Variants in ATP9A observed in about 807,000 individuals in gnomAD.
ATP9A encodes ATPase phospholipid transporting 9A, also known as probable phospholipid-transporting ATPase IIA.
Under a neutral mutation model 144.1 loss-of-function variants are expected in ATP9A, and 52 were observed. The observed-to-expected ratio is 0.36, with a 90% CI of 0.29 to 0.45. The LOEUF is 0.45. ATP9A is among the 20% of genes least tolerant of loss of function. The pLI, the probability that ATP9A is intolerant of heterozygous loss-of-function variation, is 1.00. For missense variants in ATP9A, 947 were observed against 1,392.7 expected (o/e 0.68, Z 5.09); for synonymous variants, 582 against 557.4 (o/e 1.04, Z -0.62).
chr20:51,639,313 C>T (rs183752642), intron 15 of ATP9A, 30 bp downstream of exon 15: 15 of 1,583,342 alleles, frequency 9.5e-6, no homozygotes, highest in African/African-American at 4.1e-5. Context: ...GGTACTTAAG[C>T]ACTTTAAGCC....
intron 2 of ATP9A, among the ~76,000 whole-genome samples, chr20:51,729,465 G>T (rs1225652614): frequency 6.6e-6 from 1 of 152,108 alleles, no homozygotes; most frequent in African/African-American, 2.4e-5. Flanking sequence ...GACTGTACCG[G>T]CGGGCAAGGT....
At chr20:51,694,129 C>T (rs4811225) in intron 6 of ATP9A, 27 bp from the exon 7 acceptor site, 191,146 of 1,595,264 alleles carry the variant, frequency 0.12, 12,856 homozygotes, top group Admixed American at 0.22. Context: ...GGTGCCGTCA[C>T]CTGCACCTCA....
chr20:51,614,979 A>G (rs6063678), intron 22 of ATP9A, among the ~76,000 whole-genome samples: 28,761 of 150,902 alleles, frequency 0.19, 3,663 homozygotes, highest in Non-Finnish European at 0.27. Flanking sequence ...AGATGGGGGA[A>G]TTTGAGCATG....
chr20:51,612,262 T>A (rs561809227), intron 23 of ATP9A, among the ~76,000 whole-genome samples: 1 of 152,308 alleles, frequency 6.6e-6, no homozygotes, highest in Non-Finnish European at 1.5e-5. Context: ...AGTTCCAGGA[T>A]CTACTGTACC....
At chr20:51,701,715 G>C (rs1008091881) in intron 4 of ATP9A, among the ~76,000 whole-genome samples, 5 of 152,128 alleles carry the variant, frequency 3.3e-5, no homozygotes, top group African/African-American at 4.8e-5. Context: ...TTTTAGCCAC[G>C]GTCATTCATT....
At chr20:51,696,237 G>C (rs369870306) in intron 5 of ATP9A, 93 bp from the exon 6 acceptor site, 5 of 1,118,974 alleles carry the variant, frequency 4.5e-6, no homozygotes, top group Non-Finnish European at 6.7e-6. Flanking sequence ...CCAACCCCTC[G>C]GTGGGTTGGG....
chr20:51,709,847 A>G (rs905680166), intron 4 of ATP9A, among the ~76,000 whole-genome samples: 1 of 152,194 alleles, frequency 6.6e-6, no homozygotes, highest in African/African-American at 2.4e-5. Context: ...GCAAAAACAA[A>G]TTTTAAAATT....
chr20:51,638,074 TA>T (rs1568797013), intron 15 of ATP9A, among the ~76,000 whole-genome samples: 456 of 10,160 alleles, frequency 0.045, 19 homozygotes, highest in Middle Eastern at 0.14. Context: ...CATCATTTTA[TA>T]TATATATATA....
At chr20:51,729,325 GC>G (rs915715732) in intron 2 of ATP9A, among the ~76,000 whole-genome samples, 4 of 151,480 alleles carry the variant, frequency 2.6e-5, no homozygotes, top group Non-Finnish European at 4.4e-5. Flanking sequence ...GAAGGCAGGT[GC>G]CCCCTCCACC....
intron 5 of ATP9A, among the ~76,000 whole-genome samples, chr20:51,696,788 T>C (rs757663410): frequency 1.2e-4 from 19 of 152,178 alleles, no homozygotes; most frequent in Non-Finnish European, 2.1e-4. Flanking sequence ...GCTCAATTTC[T>C]ACAGAAACAA....
At chr20:51,738,250 G>T (rs1340685841) in intron 1 of ATP9A, among the ~76,000 whole-genome samples, 6 of 151,960 alleles carry the variant, frequency 3.9e-5, no homozygotes, top group Non-Finnish European at 4.4e-5. Context: ...GGCTGGTCTC[G>T]AATTCCTGAC....
Position 51,650,988 on chromosome 20 carries a change from A to AT in ATP9A, c.1506+5949dup, listed in dbSNP as rs1209151491. 3.0e-3 allele frequency among the ~76,000 whole-genome samples: 452 copies of AT among 148,564 alleles called. 2 individuals are homozygous for AT. Among genetic ancestry groups the AT allele is most frequent in the African/African-American group, 0.01 (426 of 40,602 alleles). Reference sequence around the variant, plus strand: ...AGTCATATGACTTTCTTTTTTTTAAATTTTTTTTTTGAGACAGTCTCGCTC... The same window carrying AT: ...AGTCATATGACTTTCTTTTTTTTAAATTTTTTTTTTTGAGACAGTCTCGCTC... On this transcript the variant is annotated intron_variant, in intron 14 of 27. Coordinates refer to ENST00000338821, the MANE Select transcript of ATP9A (RefSeq NM_006045.3).
At chr20:51,750,275 T>C (rs1236447968) in intron 1 of ATP9A, among the ~76,000 whole-genome samples, 1 of 152,126 alleles carries the variant, frequency 6.6e-6, no homozygotes, top group Non-Finnish European at 1.5e-5. Flanking sequence ...CAGACACCAT[T>C]CACCTCCCCC....
At chr20:51,602,067 C>G (rs147682567) in intron 27 of ATP9A, among the ~76,000 whole-genome samples, 7 of 152,054 alleles carry the variant, frequency 4.6e-5, no homozygotes, top group African/African-American at 1.5e-4. Context: ...CAGTGATGGT[C>G]GCAGAAAGCC....
chr20:51,619,580 G>A (rs1001351855), intron 19 of ATP9A, among the ~76,000 whole-genome samples: 1 of 145,464 alleles, frequency 6.9e-6, no homozygotes, highest in African/African-American at 2.5e-5. Flanking sequence ...AAAAAAAGGG[G>A]GGGGGGGGCC....
intron 1 of ATP9A, among the ~76,000 whole-genome samples, chr20:51,751,541 A>G (rs922896381): frequency 2.0e-5 from 3 of 151,784 alleles, no homozygotes; most frequent in Non-Finnish European, 2.9e-5. Context: ...GGATACAGGC[A>G]TGAGCCACCA....
chr20:51,647,207 TAAG>T (rs1445945724), intron 14 of ATP9A, among the ~76,000 whole-genome samples: 1 of 152,096 alleles, frequency 6.6e-6, no homozygotes, highest in Non-Finnish European at 1.5e-5. Context: ...AATAAATACT[TAAG>T]AAGAAAGAAC....
chr20:51,633,833 G>A (rs909286395), intron 15 of ATP9A, among the ~76,000 whole-genome samples: 1 of 148,878 alleles, frequency 6.7e-6, no homozygotes, highest in African/African-American at 2.5e-5. Flanking sequence ...GAAAGAGGGA[G>A]AGGGAGAGAG....
intron 14 of ATP9A, among the ~76,000 whole-genome samples, chr20:51,651,391 A>T (rs1327158819): frequency 6.9e-6 from 1 of 144,062 alleles, no homozygotes; most frequent in Non-Finnish European, 1.5e-5. Flanking sequence ...TATTTATAAT[A>T]TGTAAATATT....
Sources: allele counts gnomAD v4.1 joint callset (sites outside exome capture counted in the v4.1 genomes callset), GRCh38; gene constraint gnomAD v4.1.1; transcripts MANE v1.5; gene names NCBI Gene and HGNC (gene_info 2026-07-23, HGNC 2026-07-21).